Variants in RASSF8 observed in about 807,000 individuals in gnomAD.
RASSF8 encodes ras association domain-containing protein 8.
RASSF8 carries 22 observed loss-of-function variants against 48.5 expected under a neutral mutation model. That is an observed-to-expected ratio of 0.45 (90% CI 0.32 to 0.65). The LOEUF is 0.65. Among genes scored for constraint, RASSF8 ranks in the 30% least tolerant of loss-of-function variants. The pLI is 0.03. For missense variants in RASSF8, 418 were observed against 489.2 expected, an observed-to-expected ratio of 0.85 and a Z score of 1.37; for synonymous variants, 127 against 171.5, an observed-to-expected ratio of 0.74 and a Z score of 2.03.
At chr12:25,990,972 G>T (rs1372632808) in intron 1 of RASSF8, among the ~76,000 whole-genome samples, 3 of 152,090 alleles carry the variant, frequency 2.0e-5, no homozygotes, top group Non-Finnish European at 4.4e-5. Context: ...GAGAGTAGCT[G>T]GTTTCCTCCA....
intron 2 of RASSF8, among the ~76,000 whole-genome samples, chr12:26,005,022 T>C (rs139032231): frequency 1.6e-3 from 239 of 152,238 alleles, no homozygotes; most frequent in African/African-American, 5.6e-3. Context: ...AGTTATGAAA[T>C]GAAAAATAAG....
chr12:26,035,469 T>TATA (rs1252227237), intron 2 of RASSF8, among the ~76,000 whole-genome samples: 48 of 109,634 alleles, frequency 4.4e-4, no homozygotes, highest in Non-Finnish European at 6.3e-4. Context: ...TATATAATTA[T>TATA]ATTATATAAT....
chr12:26,013,208 T>A (rs116997416), intron 2 of RASSF8, among the ~76,000 whole-genome samples: 3,964 of 152,298 alleles, frequency 0.026, 67 homozygotes, highest in Non-Finnish European at 0.037. Context: ...AAGACTGCCT[T>A]GCCAGCTCTT....
intron 2 of RASSF8, chr12:26,020,311 TTGATTTCAGCCCAGTGAAAG>T (rs1466002958): frequency 6.6e-6 from 1 of 152,168 alleles, no homozygotes; most frequent in African/African-American, 2.4e-5. Flanking sequence ...AGCTGGCACT[TTGATTTCAGCCCAGTGAAAG>T]TGATTTTGAG....
At chr12:26,017,431 T>C (rs12304002) in intron 2 of RASSF8, among the ~76,000 whole-genome samples, 9,997 of 152,232 alleles carry the variant, frequency 0.066, 521 homozygotes, top group African/African-American at 0.14. Context: ...TAATATGAAC[T>C]TAAGAGCTAC....
chr12:25,966,202 A>T (rs73074895), intron 1 of RASSF8, among the ~76,000 whole-genome samples: 14,895 of 152,180 alleles, frequency 0.098, 776 homozygotes, highest in Middle Eastern at 0.14. Flanking sequence ...CACTTGGCAT[A>T]GTTGGTCTTT....
chr12:25,978,997 A>T (rs536419485), intron 1 of RASSF8, among the ~76,000 whole-genome samples: 1 of 152,306 alleles, frequency 6.6e-6, no homozygotes, highest in Middle Eastern at 3.4e-3. Context: ...AATGTAGCAC[A>T]TTTGAGGGAG....
intron 3 of RASSF8, among the ~76,000 whole-genome samples, chr12:26,061,515 A>T (rs1943741741): frequency 7.1e-6 from 1 of 141,294 alleles, no homozygotes; most frequent in Non-Finnish European, 1.5e-5. Flanking sequence ...AGTGTCACAC[A>T]GTCCTACAAT....
intron 1 of RASSF8, among the ~76,000 whole-genome samples, chr12:25,983,252 C>G: frequency 4.8e-5 from 1 of 20,926 alleles, no homozygotes; most frequent in East Asian, 5.4e-3. Flanking sequence ...CAAAAAAAAT[C>G]TGAAACTAAA....
At chr12:25,983,507 A>G (rs925061590) in intron 1 of RASSF8, among the ~76,000 whole-genome samples, 6 of 152,222 alleles carry the variant, frequency 3.9e-5, no homozygotes, top group Non-Finnish European at 5.9e-5. Context: ...AATGTTCTCT[A>G]CTATTGGCTT....
At chr12:26,042,422 A>T (rs1392493240) in intron 2 of RASSF8, among the ~76,000 whole-genome samples, 1 of 152,190 alleles carries the variant, frequency 6.6e-6, no homozygotes, top group Admixed American at 6.5e-5. Flanking sequence ...TTACTTTATG[A>T]ATTCCTTCGT....
chr12:26,073,812 A>G (rs1944044136), downstream of RASSF8, among the ~76,000 whole-genome samples: 3 of 107,166 alleles, frequency 2.8e-5, no homozygotes, highest in Admixed American at 1.1e-4. Flanking sequence ...ACACACATAT[A>G]TATACACATA....
intron 2 of RASSF8, among the ~76,000 whole-genome samples, chr12:25,997,775 T>C (rs1390611181): frequency 1.3e-5 from 2 of 152,176 alleles, no homozygotes; most frequent in African/African-American, 4.8e-5. Flanking sequence ...CAATAAACAT[T>C]CCAATTGCAT....
At chr12:26,039,584 C>T (rs1398917833) in intron 2 of RASSF8, among the ~76,000 whole-genome samples, 1 of 152,110 alleles carries the variant, frequency 6.6e-6, no homozygotes, top group Non-Finnish European at 1.5e-5. Flanking sequence ...AAAAAAAACC[C>T]AGAAGGTGTT....
chr12:26,067,452 T>G, intron 4 of RASSF8, 117 bp from the exon 5 acceptor site: 2 of 1,129,652 alleles, frequency 1.8e-6, no homozygotes, highest in Non-Finnish European at 2.5e-6. Context: ...TTAAATGTGC[T>G]TTTATGAAAG....
At chr12:26,049,527 A>G (rs1943444799) in intron 2 of RASSF8, among the ~76,000 whole-genome samples, 1 of 152,232 alleles carries the variant, frequency 6.6e-6, no homozygotes, top group Non-Finnish European at 1.5e-5. Context: ...TACTCCCAAA[A>G]GATTTCCAAT....
At chr12:25,961,860 C>T (rs1332975040) in intron 1 of RASSF8, among the ~76,000 whole-genome samples, 1 of 152,152 alleles carries the variant, frequency 6.6e-6, no homozygotes, top group Non-Finnish European at 1.5e-5. Flanking sequence ...TCTATCAGCC[C>T]TAGCAAACCA....
intron 1 of RASSF8, among the ~76,000 whole-genome samples, chr12:25,972,415 TAAA>T (rs962359674): frequency 6.6e-6 from 1 of 152,004 alleles, no homozygotes; most frequent in African/African-American, 2.4e-5. Context: ...AGAGAGTGGC[TAAA>T]AAACTAAAAG....
At chr12:26,057,358 A>G (rs527241696) in intron 3 of RASSF8, among the ~76,000 whole-genome samples, 3 of 152,168 alleles carry the variant, frequency 2.0e-5, no homozygotes, top group African/African-American at 4.8e-5. Flanking sequence ...GTTCCCACCT[A>G]TGAGTGAGAA....
Sources: allele counts gnomAD v4.1 joint callset (sites outside exome capture counted in the v4.1 genomes callset), GRCh38; gene constraint gnomAD v4.1.1; transcripts MANE v1.5; gene names NCBI Gene and HGNC (gene_info 2026-07-23, HGNC 2026-07-21).